Variants in CMPK1 observed in about 807,000 individuals in gnomAD.
The protein encoded by CMPK1 is UMP-CMP kinase.
In CMPK1, 10 loss-of-function variants were observed where a neutral mutation model predicts 25.7. The ratio of observed to expected loss-of-function variants is 0.39; its 90% CI spans 0.24 to 0.66. The LOEUF (loss-of-function observed/expected upper bound fraction) is 0.66. CMPK1 is among the 30% of genes least tolerant of loss of function. The probability of loss-of-function intolerance (pLI) is 0.48; values close to 1 mark genes in which losing one functional copy is unlikely to be tolerated. For missense variants in CMPK1, 199 were observed against 280.5 expected (o/e 0.71, Z 2.08); for synonymous variants, 106 against 101.5 (o/e 1.04, Z -0.27).
At chr1:47,364,393 C>T (rs913928109) in intron 1 of CMPK1, among the ~76,000 whole-genome samples, 1 of 151,908 alleles carries the variant, frequency 6.6e-6, no homozygotes, top group Admixed American at 6.6e-5. Context: ...TCTCAGCTCA[C>T]TGCAAGCTCC....
chr1:47,361,554 G>A (rs1244436311), intron 1 of CMPK1, among the ~76,000 whole-genome samples: 1 of 152,204 alleles, frequency 6.6e-6, no homozygotes, highest in East Asian at 1.9e-4. Context: ...CTGGTCCTCT[G>A]TCCAATCACA....
At chr1:47,363,659 C>A (rs1424992391) in intron 1 of CMPK1, among the ~76,000 whole-genome samples, 4 of 141,474 alleles carry the variant, frequency 2.8e-5, no homozygotes, top group African/African-American at 1.0e-4. Context: ...AACAAACAAA[C>A]AAAAAACAGG....
chr1:47,361,892 C>T (rs539548201), intron 1 of CMPK1, among the ~76,000 whole-genome samples: 12 of 102,004 alleles, frequency 1.2e-4, no homozygotes, highest in South Asian at 5.8e-4. Flanking sequence ...TTTTTTTTGA[C>T]GGAGTTTTGC....
At chr1:47,337,525 C>G (rs1245255312) in intron 1 of CMPK1, among the ~76,000 whole-genome samples, 2 of 151,900 alleles carry the variant, frequency 1.3e-5, no homozygotes, top group African/African-American at 4.8e-5. Flanking sequence ...TTGCCATAAA[C>G]TTTATTAAGC....
At chr1:47,375,366 G>GA (rs3214951) in intron 5 of CMPK1, 73 bp downstream of exon 5, 444,932 of 956,938 alleles carry the variant, frequency 0.46, 114,895 homozygotes, top group Non-Finnish European at 0.51. Flanking sequence ...GGGTAAGCAG[G>GA]AAAAAAAGAA....
intron 1 of CMPK1, among the ~76,000 whole-genome samples, chr1:47,353,571 A>G (rs1409019361): frequency 6.6e-6 from 1 of 152,108 alleles, no homozygotes. Flanking sequence ...TTGTGCAGGT[A>G]CTGTTTCCCT....
chr1:47,350,368 A>T (rs1246505767), intron 1 of CMPK1, among the ~76,000 whole-genome samples: 1 of 152,050 alleles, frequency 6.6e-6, no homozygotes, highest in Non-Finnish European at 1.5e-5. Flanking sequence ...TACAGGCACA[A>T]GCTTGTAGTC....
intron 3 of CMPK1, among the ~76,000 whole-genome samples, chr1:47,373,599 C>T (rs377469097): frequency 3.3e-5 from 5 of 152,036 alleles, no homozygotes; most frequent in Non-Finnish European, 5.9e-5. Flanking sequence ...AGTTCAAGAC[C>T]GGCCTGGCCA....
In CMPK1 at chr1:47,376,804, C is replaced by T. The variant is rs1646711307; in HGVS notation, c.*59C>T. 3.2e-6 allele frequency: 3 copies of T among 945,530 alleles called. No homozygotes were observed. In the Admixed American group the frequency reaches 6.1e-5, roughly 19 times the overall value. 58.6% of individuals were successfully genotyped at this position (945,530 alleles called of 1,614,324 possible). A position where few individuals can be genotyped will look rare whatever the true frequency, so the allele number is the denominator to read the frequency against. ...TGAATATTGCTTTGATAGCTGCTAT[C>T]ATGACCCCTTTTTAAGGCAATTCTA... On this transcript the variant is annotated 3_prime_UTR_variant, in exon 6 of 6. Coordinates refer to ENST00000371873, the MANE Select transcript of CMPK1 (RefSeq NM_016308.3).
chr1:47,358,571 TTAAAC>T (rs1056075574), intron 1 of CMPK1: 5 of 1,010,518 alleles, frequency 4.9e-6, no homozygotes, highest in African/African-American at 3.5e-5. Context: ...CTAAGAAAGA[TTAAAC>T]AAATTACCCA....
At chr1:47,335,753 TTTG>T in intron 1 of CMPK1, among the ~76,000 whole-genome samples, 2 of 152,112 alleles carry the variant, frequency 1.3e-5, no homozygotes, top group Non-Finnish European at 2.9e-5. Flanking sequence ...TTCTCTTTCT[TTTG>T]TTGTTTTTTT....
At position 47,377,888 on chromosome 1, in the gene CMPK1, C is replaced by A. The variant is rs1197067550; in HGVS notation, c.*1143C>A. 1 of 152,518 alleles carries A rather than the reference C, an allele frequency of 6.6e-6. No individual in the cohort carries two copies. The highest frequency in any genetic ancestry group is 2.4e-5 in the African/African-American group (1 of 41,430). The allele number at this position is 152,518 out of a possible 1,614,324, so 9.4% of individuals were successfully genotyped here. A position where few individuals can be genotyped will look rare whatever the true frequency, so the allele number is the denominator to read the frequency against. On this transcript the variant is annotated 3_prime_UTR_variant, in exon 6 of 6. Coordinates refer to ENST00000371873, the MANE Select transcript of CMPK1 (RefSeq NM_016308.3). ...AGGCTATAGAGTCCAAAGGAATATT[C>A]TTTTACACCAATTCTTCCTTTAAAA...
intron 1 of CMPK1, among the ~76,000 whole-genome samples, chr1:47,367,175 C>T (rs1399635028): frequency 6.6e-6 from 1 of 152,146 alleles, no homozygotes; most frequent in East Asian, 1.9e-4. Context: ...CCAGCCTGAC[C>T]ATTTCTTCTA....
intron 1 of CMPK1, among the ~76,000 whole-genome samples, chr1:47,339,361 G>A (rs1210458090): frequency 6.6e-6 from 1 of 152,096 alleles, no homozygotes; most frequent in African/African-American, 2.4e-5. Flanking sequence ...GGGCCTGTGT[G>A]GGTAACTCTT....
At chr1:47,337,852 C>T (rs1646410675) in intron 1 of CMPK1, among the ~76,000 whole-genome samples, 1 of 152,118 alleles carries the variant, frequency 6.6e-6, no homozygotes, top group Admixed American at 6.6e-5. Context: ...ACCTCGTGAT[C>T]CACCCACCTT....
chr1:47,334,351 G>A (rs1374410579), intron 1 of CMPK1, among the ~76,000 whole-genome samples: 1 of 152,222 alleles, frequency 6.6e-6, no homozygotes, highest in South Asian at 2.1e-4. Flanking sequence ...TTGTTCCTGC[G>A]CCCCTTCTTT....
At chr1:47,352,491 C>T (rs193237280) in intron 1 of CMPK1, among the ~76,000 whole-genome samples, 7 of 142,012 alleles carry the variant, frequency 4.9e-5, no homozygotes, top group East Asian at 4.5e-4. Flanking sequence ...GGGAAAGAGA[C>T]GGGGTAGTGG....
chr1:47,376,743 T>C lies in CMPK1; in HGVS notation c.685T>C (p.Ter229GlnextTer2). 1 of 1,572,480 alleles carries C rather than the reference T, an allele frequency of 6.4e-7. No individual in the cohort carries two copies. The change falls in exon 6 of 6, where the codon TAA becomes CAA. Residue 229 changes from the stop codon to glutamine, a stop_lost. Transcript: ENST00000371873. Reference protein sequence around the residue: ...EVVQIFDKEG* With the variant: ...EVVQIFDKEGQ ...TGTGCAGATTTTTGACAAGGAAGGC[T>C]AATTCTAAACCTGAAGGCATCCTTG...
At chr1:47,357,112 C>T (rs1202944008) in intron 1 of CMPK1, among the ~76,000 whole-genome samples, 3 of 151,734 alleles carry the variant, frequency 2.0e-5, no homozygotes, top group East Asian at 1.9e-4. Flanking sequence ...TACAGGCACC[C>T]GCCACCACAC....
Sources: allele counts gnomAD v4.1 joint callset (sites outside exome capture counted in the v4.1 genomes callset), GRCh38; gene constraint gnomAD v4.1.1; transcripts MANE v1.5; gene names NCBI Gene and HGNC (gene_info 2026-07-23, HGNC 2026-07-21).